ACOXL: variants seen among roughly 807,000 people sequenced by gnomAD.
ACOXL encodes acyl-coenzyme A oxidase-like protein.
A neutral mutation model predicts 71.9 loss-of-function variants in ACOXL; 70 were observed. The ratio of observed to expected loss-of-function variants is 0.97; its 90% CI spans 0.80 to 1.19. ACOXL has a LOEUF of 1.19. Among genes scored for constraint, ACOXL ranks in the 50% most tolerant of loss-of-function variants. The pLI is 0.00. For missense variants in ACOXL, 703 were observed against 736.3 expected (o/e 0.95, Z 0.52); for synonymous variants, 253 against 281.6 (o/e 0.90, Z 1.02).
chr2:110,970,213 T>C (rs1227519460), intron 12 of ACOXL, among the ~76,000 whole-genome samples: 1 of 152,222 alleles, frequency 6.6e-6, no homozygotes, highest in Non-Finnish European at 1.5e-5. Context: ...CTAGTATCAC[T>C]CATGAATGTA....
At chr2:110,996,981 G>A in intron 14 of ACOXL, among the ~76,000 whole-genome samples, 1 of 152,084 alleles carries the variant, frequency 6.6e-6, no homozygotes, top group East Asian at 1.9e-4. Flanking sequence ...TAGATCTGAG[G>A]TGAGGCTGTG....
chr2:111,059,002 G>A (rs1027219900), intron 16 of ACOXL, among the ~76,000 whole-genome samples: 2 of 152,304 alleles, frequency 1.3e-5, no homozygotes, highest in South Asian at 2.1e-4. Context: ...CACTTTGGGA[G>A]GCTGAGGAAG....
chr2:111,038,988 A>C (rs769467581), intron 15 of ACOXL, among the ~76,000 whole-genome samples: 1 of 152,234 alleles, frequency 6.6e-6, no homozygotes, highest in Non-Finnish European at 1.5e-5. Context: ...TGTATGTTTC[A>C]AATGTGGCCA....
At chr2:110,744,916 T>G (rs1204149627) in intron 1 of ACOXL, among the ~76,000 whole-genome samples, 2 of 152,168 alleles carry the variant, frequency 1.3e-5, no homozygotes, top group Non-Finnish European at 2.9e-5. Context: ...AAGTGGCCCA[T>G]GGAGGCAGAG....
chr2:110,787,262 C>T (rs532456653), intron 3 of ACOXL, among the ~76,000 whole-genome samples: 5 of 152,164 alleles, frequency 3.3e-5, no homozygotes, highest in South Asian at 2.1e-4. Flanking sequence ...AGGCCGGGTG[C>T]GGTGACTCAC....
chr2:111,037,354 AGG>A (rs1416401118), intron 15 of ACOXL, among the ~76,000 whole-genome samples: 1 of 152,152 alleles, frequency 6.6e-6, no homozygotes, highest in Non-Finnish European at 1.5e-5. Flanking sequence ...AGAAATTCTG[AGG>A]TGGTTTTTTA....
chr2:110,942,895 C>A (rs1574219690), intron 12 of ACOXL, among the ~76,000 whole-genome samples: 2 of 119,530 alleles, frequency 1.7e-5, no homozygotes, highest in Admixed American at 1.0e-4. Flanking sequence ...AAAAGGAAGG[C>A]AGGAAGGAAG....
At chr2:111,018,026 T>C (rs1242367982) in intron 14 of ACOXL, 1 of 152,194 alleles carries the variant, frequency 6.6e-6, no homozygotes, top group Admixed American at 6.5e-5. Context: ...TACATAAAAA[T>C]GCTTAGTTGA....
intron 2 of ACOXL, among the ~76,000 whole-genome samples, chr2:110,780,907 G>T (rs771764459): frequency 6.6e-6 from 1 of 152,078 alleles, no homozygotes; most frequent in East Asian, 1.9e-4. Context: ...TGGCAGACCT[G>T]TCATCCCAGC....
chr2:110,831,901 C>T (rs1689874826), intron 9 of ACOXL, among the ~76,000 whole-genome samples: 1 of 152,032 alleles, frequency 6.6e-6, no homozygotes, highest in African/African-American at 2.4e-5. Flanking sequence ...TTATACAAGT[C>T]TTACACCTTA....
At chr2:110,839,861 C>T (rs1401517136) in intron 9 of ACOXL, among the ~76,000 whole-genome samples, 2 of 152,118 alleles carry the variant, frequency 1.3e-5, no homozygotes, top group East Asian at 3.8e-4. Flanking sequence ...ACTTCCCCAC[C>T]CCATCCTATT....
At chr2:110,749,684 C>T (rs762265675) in intron 1 of ACOXL, among the ~76,000 whole-genome samples, 1 of 152,166 alleles carries the variant, frequency 6.6e-6, no homozygotes, top group African/African-American at 2.4e-5. Context: ...GCCGAGATCG[C>T]GCCACTGCAC....
At chr2:111,012,012 A>AG (rs1204090710) in intron 14 of ACOXL, among the ~76,000 whole-genome samples, 3 of 151,898 alleles carry the variant, frequency 2.0e-5, no homozygotes, top group Non-Finnish European at 1.5e-5. Flanking sequence ...ATAGAGATTA[A>AG]AAATACATGA....
chr2:111,093,034 C>T, intron 17 of ACOXL, 68 bp downstream of exon 17: 1 of 1,282,454 alleles, frequency 7.8e-7, no homozygotes, highest in South Asian at 1.3e-5. Flanking sequence ...TCTTAGAAAA[C>T]AGTCCTGCCA....
At chr2:110,911,445 T>C (rs2059647081) in intron 11 of ACOXL, among the ~76,000 whole-genome samples, 1 of 152,038 alleles carries the variant, frequency 6.6e-6, no homozygotes, top group East Asian at 1.9e-4. Flanking sequence ...ATATCACTTA[T>C]GAATATAGAG....
chr2:110,965,045 T>G (rs1228835395), intron 12 of ACOXL, among the ~76,000 whole-genome samples: 2 of 152,228 alleles, frequency 1.3e-5, no homozygotes, highest in Non-Finnish European at 2.9e-5. Flanking sequence ...ATCAACTTTT[T>G]TAGCTCCCAT....
intron 16 of ACOXL, among the ~76,000 whole-genome samples, chr2:111,086,259 C>CA (rs1321368038): frequency 6.6e-6 from 1 of 151,978 alleles, no homozygotes; most frequent in Non-Finnish European, 1.5e-5. Flanking sequence ...GACACAACAA[C>CA]AAAAAAGAAA....
At chr2:110,806,795 G>T (rs1374440916) in intron 9 of ACOXL, among the ~76,000 whole-genome samples, 9 of 152,190 alleles carry the variant, frequency 5.9e-5, no homozygotes, top group Non-Finnish European at 1.0e-4. Context: ...TGCTGGTTTT[G>T]ATGGGGTGAT....
Position 110,768,358 on chromosome 2 carries a change from T to A in ACOXL, c.-22-10T>A, listed in dbSNP as rs1460910045. The A allele has an allele frequency of 1.2e-6, 2 of 1,611,712 alleles. No homozygotes were observed. Among genetic ancestry groups the A allele is most frequent in the East Asian group, 4.5e-5 (2 of 44,858 alleles). On this transcript the variant is annotated splice_polypyrimidine_tract_variant and intron_variant, in intron 1 of 17. Coordinates refer to ENST00000439055, the MANE Select transcript of ACOXL (RefSeq NM_001142807.4). Reference sequence around the variant, plus strand: ...TATTGGCTGTCTTATTTTGTATCTGTTCTTCACAGGTATGATTTAAGCTTG... The same window carrying A: ...TATTGGCTGTCTTATTTTGTATCTGATCTTCACAGGTATGATTTAAGCTTG...
Sources: allele counts gnomAD v4.1 joint callset (sites outside exome capture counted in the v4.1 genomes callset), GRCh38; gene constraint gnomAD v4.1.1; transcripts MANE v1.5; gene names NCBI Gene and HGNC (gene_info 2026-07-23, HGNC 2026-07-21).